Variants in FOXK2 observed in about 807,000 individuals in gnomAD.
FOXK2 encodes the protein forkhead box K2, also known as forkhead box protein K2.
In FOXK2, 24 loss-of-function variants were observed where a neutral mutation model predicts 53.3. That is an observed-to-expected ratio of 0.45 (90% CI 0.33 to 0.63). The LOEUF is 0.63. FOXK2 is among the 30% of genes least tolerant of loss of function. FOXK2 has a pLI of 0.03. For missense variants in FOXK2, 952 were observed against 910.5 expected, an observed-to-expected ratio of 1.05 and a Z score of -0.59; for synonymous variants, 505 against 407.1, an observed-to-expected ratio of 1.24 and a Z score of -2.89.
chr17:82,553,398 T>C (rs1439049301), intron 1 of FOXK2, among the ~76,000 whole-genome samples: 1 of 152,252 alleles, frequency 6.6e-6, no homozygotes, highest in African/African-American at 2.4e-5. Flanking sequence ...CAAAGGCAGC[T>C]CTTCTGTGCT....
At chr17:82,574,009 G>A (rs2044952849) in intron 4 of FOXK2, among the ~76,000 whole-genome samples, 1 of 152,326 alleles carries the variant, frequency 6.6e-6, no homozygotes, top group Non-Finnish European at 1.5e-5. Context: ...GTGAAGTGGC[G>A]AGGACCCCAC....
chr17:82,584,106 G>T lies in FOXK2; in HGVS notation c.1197G>T (p.Pro399=). The T allele has an allele frequency of 6.2e-7, 1 of 1,611,180 alleles. No individual in the cohort carries two copies. The highest frequency in any genetic ancestry group is 1.1e-5 in the South Asian group (1 of 90,994). ...TPESLSREGS[P]APLEPEPGAA... ...AGAGCCTGTCGAGGGAAGGTTCGCC[G>T]GCCCCCCTGGAGCCTGAGCCTGGCG... Residue 399 remains proline (P), a synonymous_variant, in exon 6 of 9, where the codon CCG becomes CCT. Transcript: ENST00000335255.
intron 8 of FOXK2, among the ~76,000 whole-genome samples, chr17:82,587,994 G>A (rs967799172): frequency 1.3e-4 from 19 of 151,742 alleles, no homozygotes; most frequent in Non-Finnish European, 2.5e-4. Context: ...CCCACGACAC[G>A]CTTTCTTTGA....
chr17:82,555,950 A>G (rs1338241214), intron 1 of FOXK2, among the ~76,000 whole-genome samples: 1 of 151,328 alleles, frequency 6.6e-6, no homozygotes, highest in Non-Finnish European at 1.5e-5. Context: ...AAGCATAGAA[A>G]ATGGCACAGT....
At chr17:82,567,987 T>C in intron 2 of FOXK2, 67 bp from the exon 3 acceptor site, 1 of 1,323,928 alleles carries the variant, frequency 7.6e-7, no homozygotes, top group East Asian at 2.8e-5. Flanking sequence ...TTAAAGCCAG[T>C]TGCTGAAGCA....
chr17:82,594,403 C>A (rs1410574643), intron 8 of FOXK2, among the ~76,000 whole-genome samples: 6 of 149,580 alleles, frequency 4.0e-5, no homozygotes, highest in Non-Finnish European at 8.8e-5. Context: ...GAGGCTGAGG[C>A]AGGAGAATGG....
chr17:82,587,300 G>T (rs375394276), intron 8 of FOXK2, 28 bp downstream of exon 8: 4 of 1,562,350 alleles, frequency 2.6e-6, no homozygotes, highest in Non-Finnish European at 3.5e-6. Context: ...GTGGCTCCCC[G>T]TGGCTGTGGG....
At chr17:82,532,284 A>G (rs1343883739) in intron 1 of FOXK2, among the ~76,000 whole-genome samples, 5 of 151,574 alleles carry the variant, frequency 3.3e-5, no homozygotes. Context: ...AGCTGGGATT[A>G]CCAGCACCCG....
At chr17:82,576,126 C>T (rs1457965909) in intron 4 of FOXK2, among the ~76,000 whole-genome samples, 1 of 23,162 alleles carries the variant, frequency 4.3e-5, no homozygotes, top group African/African-American at 2.6e-4. Context: ...TCCACACCAG[C>T]GTGTGTGCTC....
chr17:82,594,638 T>C (rs1006129164), intron 8 of FOXK2, among the ~76,000 whole-genome samples: 1 of 152,152 alleles, frequency 6.6e-6, no homozygotes, highest in African/African-American at 2.4e-5. Flanking sequence ...TCTGAATCAG[T>C]GAGGACCCTC....
intron 1 of FOXK2, among the ~76,000 whole-genome samples, chr17:82,540,640 A>G (rs72861044): frequency 0.18 from 27,214 of 151,906 alleles, 2,797 homozygotes; most frequent in Non-Finnish European, 0.24. Flanking sequence ...ACTGGATGCT[A>G]CTCTGCAGCT....
chr17:82,542,703 G>C (rs1268435592), intron 1 of FOXK2, among the ~76,000 whole-genome samples: 1 of 152,124 alleles, frequency 6.6e-6, no homozygotes, highest in Non-Finnish European at 1.5e-5. Context: ...GGCCAAAGCA[G>C]TATTACCAAG....
intron 1 of FOXK2, among the ~76,000 whole-genome samples, chr17:82,525,336 C>T (rs1304913366): frequency 1.3e-5 from 2 of 152,046 alleles, no homozygotes; most frequent in African/African-American, 4.8e-5. Context: ...GCCACCATGC[C>T]TGGCTAACTT....
intron 4 of FOXK2, among the ~76,000 whole-genome samples, chr17:82,574,207 T>C (rs918319650): frequency 1.3e-5 from 2 of 152,222 alleles, no homozygotes; most frequent in African/African-American, 4.8e-5. Context: ...GCTGCATCTC[T>C]TTCCCCAGTA....
chr17:82,525,067 C>T (rs2144039350), intron 1 of FOXK2, among the ~76,000 whole-genome samples: 1 of 151,956 alleles, frequency 6.6e-6, no homozygotes, highest in South Asian at 2.1e-4. Context: ...CCTCCGCCTC[C>T]CGGGTTCAAG....
chr17:82,526,799 C>G (rs1397403965), intron 1 of FOXK2, among the ~76,000 whole-genome samples: 1 of 150,810 alleles, frequency 6.6e-6, no homozygotes, highest in Non-Finnish European at 1.5e-5. Flanking sequence ...CCACTGCACT[C>G]CAACCTGGGC....
Position 82,603,252 on chromosome 17 carries a change from A to G in FOXK2, c.*1753A>G, listed in dbSNP as rs2045407517. 1 of 152,242 alleles carries G rather than the reference A, an allele frequency of 6.6e-6. No homozygotes were observed. Among genetic ancestry groups the G allele is most frequent in the African/African-American group, 2.4e-5 (1 of 41,474 alleles). The allele number at this position is 152,242 out of a possible 1,614,324, so 9.4% of individuals were successfully genotyped here. On this transcript the variant is annotated 3_prime_UTR_variant, in exon 9 of 9. Coordinates refer to ENST00000335255, the MANE Select transcript of FOXK2 (RefSeq NM_004514.4). The stretch of plus-strand genomic sequence containing the variant: ...TGGATGGATCAGAGCCCCTCGGTGC[A>G]GCTGTCTGCATCTTCCAAGCACTTT...
At chr17:82,582,145 C>T (rs1054175658) in intron 4 of FOXK2, among the ~76,000 whole-genome samples, 3 of 152,178 alleles carry the variant, frequency 2.0e-5, no homozygotes, top group Non-Finnish European at 2.9e-5. Flanking sequence ...CAGAATGGCT[C>T]ACATCAGCTC....
intron 1 of FOXK2, among the ~76,000 whole-genome samples, chr17:82,530,068 G>A (rs977364774): frequency 5.3e-5 from 8 of 152,172 alleles, no homozygotes; most frequent in African/African-American, 1.4e-4. Context: ...ATGATGTGAC[G>A]TCATTGTTAG....
Sources: gnomAD v4.1 joint callset for allele counts (sites outside exome capture counted in the v4.1 genomes callset) on GRCh38, gnomAD v4.1.1 for gene constraint, MANE v1.5 for transcripts, NCBI Gene and HGNC (gene_info 2026-07-23, HGNC 2026-07-21) for gene names.